FAM120C: variants seen among roughly 807,000 people sequenced by gnomAD.
The protein encoded by FAM120C is constitutive coactivator of PPAR-gamma-like protein 2.
Under a neutral mutation model 71.2 loss-of-function variants are expected in FAM120C, and 14 were observed. That is an observed-to-expected ratio of 0.20 (90% CI 0.13 to 0.31). The LOEUF is 0.31. FAM120C is among the 10% of genes least tolerant of loss of function. FAM120C has a pLI of 1.00. For missense variants in FAM120C, 500 were observed against 879.0 expected, an observed-to-expected ratio of 0.57 and a Z score of 5.45; for synonymous variants, 354 against 353.2, an observed-to-expected ratio of 1.00 and a Z score of -0.03.
At chrX:54,077,842 C>T (rs1487725747) in intron 15 of FAM120C, among the ~76,000 whole-genome samples, 5 of 109,197 alleles carry the variant, frequency 4.6e-5, no homozygotes, top group Non-Finnish European at 9.5e-5. Flanking sequence ...TCTTCCCCCA[C>T]CCCTTAGCCA....
chrX:54,100,914 G>A (rs1280336229), intron 10 of FAM120C, among the ~76,000 whole-genome samples: 1 of 111,025 alleles, frequency 9.0e-6, no homozygotes, highest in Non-Finnish European at 1.9e-5. Context: ...CACAGTTCTA[G>A]GGACTCAGTG....
At chrX:54,156,809 C>T (rs1006797677) in intron 3 of FAM120C, among the ~76,000 whole-genome samples, 5 of 104,824 alleles carry the variant, frequency 4.8e-5, no homozygotes, top group Non-Finnish European at 7.8e-5. Context: ...ATTGCCTGAA[C>T]CTGGGAGGTG....
intron 9 of FAM120C, among the ~76,000 whole-genome samples, chrX:54,125,265 G>T (rs782200275): frequency 9.2e-6 from 1 of 108,635 alleles, no homozygotes; most frequent in African/African-American, 3.3e-5. Context: ...ATGCCCTGTT[G>T]TATTCCATTG....
At chrX:54,177,662 A>C (rs1204814539) in intron 1 of FAM120C, among the ~76,000 whole-genome samples, 1 of 111,686 alleles carries the variant, frequency 9.0e-6, no homozygotes, top group Non-Finnish European at 1.9e-5. Flanking sequence ...ATGTGTTGAA[A>C]GCTCATGAGA....
At chrX:54,081,534 G>T in intron 13 of FAM120C, 74 bp from the exon 14 acceptor site, 1 of 1,065,140 alleles carries the variant, frequency 9.4e-7, no homozygotes, top group Non-Finnish European at 1.3e-6. Flanking sequence ...AACTTTGGGA[G>T]GCTGAGTCGG....
At chrX:54,148,233 T>C (rs186186738) in intron 4 of FAM120C, among the ~76,000 whole-genome samples, 1 of 110,407 alleles carries the variant, frequency 9.1e-6, no homozygotes, top group East Asian at 2.8e-4. Flanking sequence ...ATATGCATTA[T>C]AAAGAACTCT....
At chrX:54,127,463 C>T (rs1466977285) in intron 9 of FAM120C, among the ~76,000 whole-genome samples, 3 of 106,090 alleles carry the variant, frequency 2.8e-5, no homozygotes, top group Non-Finnish European at 5.8e-5. Context: ...TGGTGGTGGG[C>T]GCCTGTAGTC....
intron 9 of FAM120C, among the ~76,000 whole-genome samples, chrX:54,131,915 A>AT (rs782425954): frequency 1.9e-5 from 2 of 104,573 alleles, no homozygotes; most frequent in Admixed American, 1.0e-4. Context: ...TGCCCAGCTA[A>AT]TTTTTTTTTG....
At chrX:54,124,905 GTTC>G (rs782486518) in intron 9 of FAM120C, among the ~76,000 whole-genome samples, 11 of 112,040 alleles carry the variant, frequency 9.8e-5, no homozygotes, top group Non-Finnish European at 1.9e-4. Flanking sequence ...AGTTTTGAGA[GTTC>G]TTTATATATT....
intron 9 of FAM120C, among the ~76,000 whole-genome samples, chrX:54,126,830 G>C (rs1211673676): frequency 2.7e-5 from 3 of 113,037 alleles, no homozygotes; most frequent in Non-Finnish European, 5.6e-5. Flanking sequence ...TTTATATATT[G>C]CTGAATTCCC....
At chrX:54,164,553 C>T (rs1329859584) in intron 1 of FAM120C, among the ~76,000 whole-genome samples, 2 of 111,893 alleles carry the variant, frequency 1.8e-5, no homozygotes, top group Admixed American at 9.5e-5. Context: ...GCATAATGTC[C>T]TCAAGTGTTC....
intron 10 of FAM120C, among the ~76,000 whole-genome samples, chrX:54,111,555 A>C (rs868949279): frequency 2.9e-5 from 3 of 102,539 alleles, no homozygotes; most frequent in Admixed American, 2.1e-4. Flanking sequence ...AAAAAAAAAA[A>C]CACCTAGGAA....
At position 54,159,433 on chromosome X, in the gene FAM120C, G is replaced by C; in HGVS notation, c.883C>G (p.Gln295Glu). 8.3e-7 allele frequency: 1 copy of C among 1,211,298 alleles called. No individual in the cohort carries two copies. Among genetic ancestry groups the C allele is most frequent in the Non-Finnish European group, 1.1e-6 (1 of 895,182 alleles). Reference protein sequence around the residue: ...KNLTTNQFLMQEVAKQLGLKR... With the variant: ...KNLTTNQFLMEEVAKQLGLKR... ...AGGCCCAGCTGCTTGGCTACTTCTT[G>C]CATCAGGAACTGGTTGGTAGTGAGG... Residue 295 changes from glutamine to glutamate, a missense_variant, in exon 2 of 16, where the codon CAA becomes GAA. Coordinates refer to ENST00000375180, the MANE Select transcript of FAM120C (RefSeq NM_017848.6).
In FAM120C at chrX:54,071,090, T is replaced by C. The variant is rs1408254355; in HGVS notation, c.*1943A>G. 1 of 112,267 alleles carries C rather than the reference T, an allele frequency of 8.9e-6. No homozygotes were observed. The highest frequency in any genetic ancestry group is 1.9e-5 in the Non-Finnish European group (1 of 53,281). 9.3% of individuals were successfully genotyped at this position (112,267 alleles called of 1,213,427 possible). On this transcript the variant is annotated 3_prime_UTR_variant, in exon 16 of 16. Coordinates refer to ENST00000375180, the MANE Select transcript of FAM120C (RefSeq NM_017848.6). ...AGTTGTATTTCTGTAGAAATGGTACTTCTTGGGCAAGAATATCACAAAGCC... is the reference window on the plus strand; with the variant it reads ...AGTTGTATTTCTGTAGAAATGGTACCTCTTGGGCAAGAATATCACAAAGCC...
chrX:54,160,243 A>G (rs1557134256), intron 1 of FAM120C, among the ~76,000 whole-genome samples: 1 of 111,435 alleles, frequency 9.0e-6, no homozygotes, highest in Non-Finnish European at 1.9e-5. Flanking sequence ...ATAGACACAG[A>G]AATCTAAGTT....
chrX:54,110,002 G>T (rs1228295236), intron 10 of FAM120C, among the ~76,000 whole-genome samples: 2 of 85,182 alleles, frequency 2.3e-5, no homozygotes, highest in East Asian at 4.0e-4. Context: ...AGAAAACGTA[G>T]AAAAATATCT....
rs186471424 is a variant in FAM120C at position 54,079,200 on chromosome X, C to A, written c.3036+1032G>T. Among the ~76,000 whole-genome samples the A allele has an allele frequency of 7.5e-4, 77 of 102,036 alleles. 1 individual carries two copies. Among genetic ancestry groups the A allele is most frequent in the African/African-American group, 2.6e-3 (73 of 27,736 alleles). The allele number at this position is 102,036 out of a possible 115,157, so 88.6% of individuals were successfully genotyped here. ...TGGTGTGAACCCGGGAGGCGGAGCT[C>A]CCAGTGAGCCGAGATCGCGCCACTG... is the stretch of plus-strand genomic sequence containing the variant. On this transcript the variant is annotated intron_variant, in intron 15 of 15. Coordinates refer to ENST00000375180, the MANE Select transcript of FAM120C (RefSeq NM_017848.6).
At chrX:54,099,837 T>C (rs1018931620) in intron 10 of FAM120C, among the ~76,000 whole-genome samples, 2 of 112,482 alleles carry the variant, frequency 1.8e-5, no homozygotes, top group East Asian at 5.6e-4. Context: ...ATGTCTATCC[T>C]TATTCCACTG....
At chrX:54,166,743 A>G (rs1218915276) in intron 1 of FAM120C, among the ~76,000 whole-genome samples, 1 of 111,822 alleles carries the variant, frequency 8.9e-6, no homozygotes, top group Non-Finnish European at 1.9e-5. Context: ...TATATATAAA[A>G]TGTATACTTA....
Sources: allele counts gnomAD v4.1 joint callset (sites outside exome capture counted in the v4.1 genomes callset), GRCh38; gene constraint gnomAD v4.1.1; transcripts MANE v1.5; gene names NCBI Gene and HGNC (gene_info 2026-07-23, HGNC 2026-07-21).